Variants in MARCHF4 observed in about 807,000 individuals in gnomAD.
MARCHF4 encodes E3 ubiquitin-protein ligase MARCHF4.
A neutral mutation model predicts 43.9 loss-of-function variants in MARCHF4; 14 were observed. The ratio of observed to expected loss-of-function variants is 0.32; its 90% confidence interval spans 0.21 to 0.50. The LOEUF is 0.50. Among genes scored for constraint, MARCHF4 ranks in the 20% least tolerant of loss-of-function variants. MARCHF4 has a pLI of 0.98. For missense variants in MARCHF4, 468 were observed against 536.7 expected (o/e 0.87, Z 1.27); for synonymous variants, 226 against 213.3 (o/e 1.06, Z -0.52).
chr2:216,279,114 T>C (rs1023713911), intron 2 of MARCHF4, among the ~76,000 whole-genome samples: 4 of 152,164 alleles, frequency 2.6e-5, no homozygotes, highest in African/African-American at 9.7e-5. Context: ...GGGAGGAACA[T>C]GGCACAGTGA....
intron 1 of MARCHF4, among the ~76,000 whole-genome samples, chr2:216,348,371 G>C (rs998939617): frequency 2.6e-4 from 40 of 152,066 alleles, no homozygotes; most frequent in Admixed American, 2.1e-3. Context: ...TAATGAGATA[G>C]GAAGTCAGCA....
intron 1 of MARCHF4, among the ~76,000 whole-genome samples, chr2:216,304,049 C>A (rs1183712680): frequency 6.6e-6 from 1 of 152,108 alleles, no homozygotes; most frequent in East Asian, 1.9e-4. Flanking sequence ...GGTTGTGTGT[C>A]TGCACCACAA....
chr2:216,300,340 A>G (rs1332580929), intron 1 of MARCHF4, among the ~76,000 whole-genome samples: 1 of 135,074 alleles, frequency 7.4e-6, no homozygotes, highest in East Asian at 2.1e-4. Flanking sequence ...CCATCTCGAT[A>G]TATATATATG....
intron 1 of MARCHF4, among the ~76,000 whole-genome samples, chr2:216,319,341 T>A (rs1691842579): frequency 6.6e-6 from 1 of 151,860 alleles, no homozygotes; most frequent in Non-Finnish European, 1.5e-5. Context: ...CAAACACAAA[T>A]CTACCACCAC....
intron 2 of MARCHF4, among the ~76,000 whole-genome samples, chr2:216,279,631 G>C (rs1323577886): frequency 2.6e-5 from 4 of 152,222 alleles, no homozygotes; most frequent in Non-Finnish European, 5.9e-5. Flanking sequence ...GCTGCAGCTG[G>C]GATTGGCCTG....
chr2:216,295,603 A>G (rs1039933253), intron 1 of MARCHF4, among the ~76,000 whole-genome samples: 3 of 152,198 alleles, frequency 2.0e-5, no homozygotes, highest in Admixed American at 2.0e-4. Flanking sequence ...TCATCCCTTC[A>G]CATGCTAACA....
At chr2:216,309,527 C>A (rs1368821989) in intron 1 of MARCHF4, among the ~76,000 whole-genome samples, 1 of 152,196 alleles carries the variant, frequency 6.6e-6, no homozygotes, top group Admixed American at 6.5e-5. Context: ...CCTAACTAAT[C>A]AGAAGACTCC....
intron 1 of MARCHF4, among the ~76,000 whole-genome samples, chr2:216,351,938 T>TC (rs1559105850): frequency 6.6e-6 from 1 of 152,200 alleles, no homozygotes; most frequent in Non-Finnish European, 1.5e-5. Context: ...GTCTACCAGA[T>TC]CCCTACAGGT....
intron 3 of MARCHF4, among the ~76,000 whole-genome samples, chr2:216,272,406 G>T (rs17822276): frequency 0.14 from 21,444 of 152,156 alleles, 1,578 homozygotes; most frequent in South Asian, 0.24. Flanking sequence ...CTGAATTTCT[G>T]ATTGTTACCA....
At chr2:216,358,804 C>G (rs1321276059) in intron 1 of MARCHF4, among the ~76,000 whole-genome samples, 1 of 152,176 alleles carries the variant, frequency 6.6e-6, no homozygotes, top group Admixed American at 6.5e-5. Flanking sequence ...AGCCATGTTC[C>G]TAGATGCAGC....
intron 1 of MARCHF4, among the ~76,000 whole-genome samples, chr2:216,310,463 T>C (rs1420652863): frequency 6.6e-6 from 1 of 152,100 alleles, no homozygotes; most frequent in Non-Finnish European, 1.5e-5. Flanking sequence ...ATTCTCCTTA[T>C]GTTGCCTGGA....
At chr2:216,266,812 C>A (rs1690852694) in intron 3 of MARCHF4, among the ~76,000 whole-genome samples, 2 of 152,158 alleles carry the variant, frequency 1.3e-5, no homozygotes. Context: ...GGGGGTACTG[C>A]TGGGAAAGGC....
At chr2:216,364,555 G>A (rs893474029) in intron 1 of MARCHF4, among the ~76,000 whole-genome samples, 4 of 152,184 alleles carry the variant, frequency 2.6e-5, no homozygotes, top group Non-Finnish European at 5.9e-5. Flanking sequence ...CCAGAACCCT[G>A]GAATTCCTGT....
chr2:216,276,734 A>G (rs1467021970), intron 3 of MARCHF4, among the ~76,000 whole-genome samples: 1 of 152,204 alleles, frequency 6.6e-6, no homozygotes, highest in Non-Finnish European at 1.5e-5. Context: ...TAATGCTCCC[A>G]GGACTGTGAC....
chr2:216,370,217 C>G lies in MARCHF4; in HGVS notation c.44G>C (p.Cys15Ser). ...TCCATAGCAGTACCAGCCGGAGCAG[C>G]AGCACCACCACCACCAGAGCAGCCC... ...LCGLLWWWWC[C>S]CSGWYCYGLC... The change falls in exon 1 of 4, where the codon TGC becomes TCC. Residue 15 changes from cysteine to serine, a missense_variant. Physicochemically the swap from Cys to Ser is moderately radical, Grantham distance 112. Transcript: ENST00000273067. The G allele has an allele frequency of 6.2e-7, 1 of 1,610,786 alleles. No individual in the cohort carries two copies. The highest frequency in any genetic ancestry group is 1.1e-5 in the South Asian group (1 of 90,856).
At chr2:216,276,729 C>T (rs1233917797) in intron 3 of MARCHF4, among the ~76,000 whole-genome samples, 2 of 152,158 alleles carry the variant, frequency 1.3e-5, no homozygotes, top group East Asian at 3.8e-4. Flanking sequence ...AACTCTAATG[C>T]TCCCAGGACT....
chr2:216,268,295 G>A (rs1365693886), intron 3 of MARCHF4, among the ~76,000 whole-genome samples: 2 of 152,160 alleles, frequency 1.3e-5, no homozygotes, highest in African/African-American at 4.8e-5. Context: ...CTTGTCCAAG[G>A]CCATAGAGGT....
chr2:216,295,460 A>G (rs776373180), intron 1 of MARCHF4, among the ~76,000 whole-genome samples: 1 of 152,148 alleles, frequency 6.6e-6, no homozygotes, highest in Non-Finnish European at 1.5e-5. Flanking sequence ...GGGTCTCGCC[A>G]TGTTGCCATG....
chr2:216,314,785 G>A (rs1040984424), intron 1 of MARCHF4, among the ~76,000 whole-genome samples: 5 of 152,138 alleles, frequency 3.3e-5, no homozygotes, highest in Admixed American at 6.5e-5. Flanking sequence ...GGAGCCACTC[G>A]GTTGAAGAGC....
Sources: allele counts gnomAD v4.1 joint callset (sites outside exome capture counted in the v4.1 genomes callset), GRCh38; gene constraint gnomAD v4.1.1; transcripts MANE v1.5; gene names NCBI Gene and HGNC (gene_info 2026-07-23, HGNC 2026-07-21).